Variants in CPLANE1 observed in about 807,000 individuals in gnomAD.
CPLANE1 encodes ciliogenesis and planar polarity effector complex subunit 1, also known as ciliogenesis and planar polarity effector 1.
A neutral mutation model predicts 362.5 loss-of-function variants in CPLANE1; 263 were observed. That is an observed-to-expected ratio of 0.73 (90% CI 0.66 to 0.80). The LOEUF (loss-of-function observed/expected upper bound fraction) is 0.80, where lower values mean the gene tolerates loss of function less well. Among genes scored for constraint, CPLANE1 ranks in the 30% least tolerant of loss-of-function variants. The pLI is 0.00. For missense variants in CPLANE1, 3,461 were observed against 3,793.4 expected (o/e 0.91, Z 2.30); for synonymous variants, 1,212 against 1,302.6 (o/e 0.93, Z 1.50).
intron 46 of CPLANE1, among the ~76,000 whole-genome samples, chr5:37,125,858 T>TCA (rs1373917621): frequency 1.2e-3 from 185 of 152,358 alleles, no homozygotes; most frequent in African/African-American, 4.3e-3. Flanking sequence ...ATGCAATGCA[T>TCA]AATAAACACA....
intron 20 of CPLANE1, among the ~76,000 whole-genome samples, chr5:37,196,665 C>T (rs1441056568): frequency 6.6e-6 from 1 of 152,182 alleles, no homozygotes; most frequent in East Asian, 1.9e-4. Context: ...GTGGATCACA[C>T]CTGTAATCCC....
At chr5:37,138,904 A>T in intron 45 of CPLANE1, 56 bp from the exon 46 acceptor site, 1 of 1,463,446 alleles carries the variant, frequency 6.8e-7, no homozygotes, top group Non-Finnish European at 9.3e-7. Flanking sequence ...ACTTAATTAC[A>T]TTAAGCAAAA....
At chr5:37,206,126 C>G in intron 17 of CPLANE1, 71 bp downstream of exon 17, 1 of 1,003,348 alleles carries the variant, frequency 1.0e-6, no homozygotes, top group Admixed American at 2.2e-5. Context: ...AATGTAAATA[C>G]CAGCAATAAG....
chr5:37,109,014 T>G (rs1375704418), intron 51 of CPLANE1, among the ~76,000 whole-genome samples: 4 of 152,204 alleles, frequency 2.6e-5, no homozygotes, highest in Non-Finnish European at 5.9e-5. Flanking sequence ...GGCAGCTTAG[T>G]AAACCCACAA....
intron 15 of CPLANE1, among the ~76,000 whole-genome samples, chr5:37,220,171 G>A (rs1438536920): frequency 6.6e-6 from 1 of 151,730 alleles, no homozygotes; most frequent in Non-Finnish European, 1.5e-5. Context: ...AGGATGGCTT[G>A]AGCCCAGGCG....
intron 15 of CPLANE1, among the ~76,000 whole-genome samples, chr5:37,217,977 CT>C (rs1794510889): frequency 6.6e-6 from 1 of 151,392 alleles, no homozygotes; most frequent in Non-Finnish European, 1.5e-5. Flanking sequence ...GAGACTCCAT[CT>C]CAAAAAAATA....
chr5:37,164,354 T>C lies in CPLANE1; in HGVS notation c.7534-27A>G, dbSNP rs1777677400. 1.9e-6 allele frequency: 3 copies of C among 1,569,776 alleles called. No homozygotes were observed. In the South Asian group the frequency reaches 3.4e-5, roughly 18 times the overall value. On this transcript the variant is annotated intron_variant, in intron 36 of 52. Transcript: ENST00000651892. ...TAAATGAATTCCCACAGGATTACTC[T>C]ATGATTAACTCAAAGATGTGTATTA...
intron 9 of CPLANE1, among the ~76,000 whole-genome samples, chr5:37,228,594 A>G (rs1331798990): frequency 6.6e-6 from 1 of 152,198 alleles, no homozygotes; most frequent in Non-Finnish European, 1.5e-5. Context: ...AGTAAACAGG[A>G]TATATCACAT....
At chr5:37,107,841 A>G (rs1230405418) in intron 52 of CPLANE1, 63 bp from the exon 53 acceptor site, 1 of 1,469,738 alleles carries the variant, frequency 6.8e-7, no homozygotes, top group Non-Finnish European at 9.0e-7. Context: ...AACAAAAACA[A>G]AAAAACCTGG....
At chr5:37,128,620 G>C (rs770972461) in intron 46 of CPLANE1, among the ~76,000 whole-genome samples, 1 of 152,002 alleles carries the variant, frequency 6.6e-6, no homozygotes, top group African/African-American at 2.4e-5. Flanking sequence ...ACTTTGGGAG[G>C]GGCCGAGATG....
Position 37,247,719 on chromosome 5 carries a change from C to T in CPLANE1, c.-21G>A, listed in dbSNP as rs536357608. 1.3e-5 allele frequency: 20 copies of T among 1,534,088 alleles called. No homozygotes were observed. In the African/African-American group the frequency reaches 2.3e-4, roughly 18 times the overall value. On this transcript the variant is annotated 5_prime_UTR_variant, in exon 2 of 53. Coordinates refer to ENST00000651892, the MANE Select transcript of CPLANE1 (RefSeq NM_001384732.1). ...TCCATGTTTGTTAAGCTATCAATGA[C>T]CAATTAAGTAAAACAGTCCCAAGAT...
intron 42 of CPLANE1, among the ~76,000 whole-genome samples, chr5:37,152,506 C>A (rs1036374734): frequency 7.2e-5 from 11 of 151,948 alleles, no homozygotes; most frequent in African/African-American, 2.4e-4. Flanking sequence ...AAAAAAAGGA[C>A]AAAATGTGTA....
At chr5:37,178,155 C>T (rs1439245331) in intron 29 of CPLANE1, among the ~76,000 whole-genome samples, 2 of 152,054 alleles carry the variant, frequency 1.3e-5, no homozygotes, top group South Asian at 2.1e-4. Flanking sequence ...ATTAGTCAGG[C>T]ATGGTGGCGC....
At chr5:37,126,521 C>T (rs939994749) in intron 46 of CPLANE1, among the ~76,000 whole-genome samples, 1 of 152,232 alleles carries the variant, frequency 6.6e-6, no homozygotes, top group Non-Finnish European at 1.5e-5. Flanking sequence ...ACCGGGAGGG[C>T]TGAGAGCTGC....
chr5:37,186,696 C>CG (rs1784082933), intron 23 of CPLANE1, among the ~76,000 whole-genome samples: 1 of 152,154 alleles, frequency 6.6e-6, no homozygotes, highest in Non-Finnish European at 1.5e-5. Flanking sequence ...GCACATCCAT[C>CG]AATACACACA....
At position 37,107,099 on chromosome 5, in the gene CPLANE1, AAGGT is replaced by A; in HGVS notation, c.*499_*502del. The A allele has an allele frequency of 1.0e-6, 1 of 985,426 alleles. No individual in the cohort carries two copies. The highest frequency in any genetic ancestry group is 1.2e-6 in the Non-Finnish European group (1 of 829,946). The allele number at this position is 985,426 out of a possible 1,614,324, so 61.0% of individuals were successfully genotyped here. ...TTATTTAGAGATTCAGGGTTGGTAA[AAGGT>A]AGTTGGTTTTTCTTTTCACTCCTAG... is the stretch of plus-strand genomic sequence containing the variant. On this transcript the variant is annotated 3_prime_UTR_variant, in exon 53 of 53. Transcript: ENST00000651892.
chr5:37,211,242 T>C, intron 16 of CPLANE1: 1 of 1,496,834 alleles, frequency 6.7e-7, no homozygotes, highest in Non-Finnish European at 9.3e-7. Context: ...TGACCTTGAG[T>C]TTGTCGCCAA....
chr5:37,078,203 CCCT>C, the CPLANE1 span, among the ~76,000 whole-genome samples: 164 of 152,240 alleles, frequency 1.1e-3, 3 homozygotes, highest in East Asian at 0.024. Context: ...TCTCTCCCTC[CCCT>C]CCTCAACAGG....
intron 35 of CPLANE1, among the ~76,000 whole-genome samples, chr5:37,165,910 A>G (rs1778116580): frequency 6.6e-6 from 1 of 152,220 alleles, no homozygotes; most frequent in Non-Finnish European, 1.5e-5. Context: ...AGTCACTGGA[A>G]TCTAAGGACA....
Sources: gnomAD v4.1 joint callset for allele counts (sites outside exome capture counted in the v4.1 genomes callset) on GRCh38, gnomAD v4.1.1 for gene constraint, MANE v1.5 for transcripts, NCBI Gene and HGNC (gene_info 2026-07-23, HGNC 2026-07-21) for gene names.